The following ZC3H3 variants were observed in gnomAD, a reference collection of about 807,000 sequenced individuals.
The protein encoded by ZC3H3 is zinc finger CCCH domain-containing protein 3.
A neutral mutation model predicts 77.3 loss-of-function variants in ZC3H3; 36 were observed. The ratio of observed to expected loss-of-function variants is 0.47; its 90% CI spans 0.36 to 0.61. The LOEUF (loss-of-function observed/expected upper bound fraction) is 0.61, where lower values mean the gene tolerates loss of function less well. ZC3H3 is among the 20% of genes least tolerant of loss of function. ZC3H3 has a pLI of 0.00. For missense variants in ZC3H3, 1,331 were observed against 1,312.2 expected (o/e 1.01, Z -0.22); for synonymous variants, 626 against 555.2 (o/e 1.13, Z -1.79).
intron 8 of ZC3H3, among the ~76,000 whole-genome samples, chr8:143,466,111 C>T (rs1820401824): frequency 6.6e-6 from 1 of 152,240 alleles, no homozygotes; most frequent in South Asian, 2.1e-4. Context: ...GGCTCAGCCT[C>T]AGGGGCGCCC....
In ZC3H3 at chr8:143,468,504, C is replaced by T. The variant is rs1223854983; in HGVS notation, c.1983G>A (p.Gln661=). ...AVQRSLAIIR[Q]ARQRREKRKE... is the part of the protein sequence containing the mutation. The stretch of plus-strand genomic sequence containing the variant: ...TCCTCTTCTCCCTGCGCTGCCGCGC[C>T]TGCCGGATGATGGCCAGGCTGCGCT... Residue 661 remains glutamine (Q), a synonymous_variant, in exon 7 of 12, where the codon CAG becomes CAA. Coordinates refer to ENST00000262577, the MANE Select transcript of ZC3H3 (RefSeq NM_015117.3). 1 of 1,609,072 alleles carries T rather than the reference C, an allele frequency of 6.2e-7. No individual in the cohort carries two copies. Among genetic ancestry groups the T allele is most frequent in the African/African-American group, 1.3e-5 (1 of 74,836 alleles).
At chr8:143,445,820 A>G (rs192508985) in intron 9 of ZC3H3, among the ~76,000 whole-genome samples, 178 of 152,356 alleles carry the variant, frequency 1.2e-3, no homozygotes, top group African/African-American at 4.1e-3. Context: ...CGAGCTACAG[A>G]TTCAAGACAA....
intron 3 of ZC3H3, among the ~76,000 whole-genome samples, chr8:143,521,790 A>G (rs1248821582): frequency 1.3e-5 from 2 of 152,168 alleles, no homozygotes; most frequent in Non-Finnish European, 2.9e-5. Flanking sequence ...ACGTAAATTG[A>G]GCACACATGC....
At chr8:143,478,126 T>G (rs1820793544) in intron 4 of ZC3H3, among the ~76,000 whole-genome samples, 1 of 151,988 alleles carries the variant, frequency 6.6e-6, no homozygotes, top group East Asian at 1.9e-4. Flanking sequence ...AACCCAGCTC[T>G]CCACCTGGGT....
intron 5 of ZC3H3, among the ~76,000 whole-genome samples, chr8:143,470,425 CG>C (rs1168403304): frequency 6.6e-6 from 1 of 152,154 alleles, no homozygotes; most frequent in Admixed American, 6.6e-5. Flanking sequence ...GGGACCAACG[CG>C]GGGGTGCTCA....
intron 4 of ZC3H3, among the ~76,000 whole-genome samples, chr8:143,503,388 A>G (rs550635487): frequency 3.3e-5 from 5 of 152,136 alleles, no homozygotes; most frequent in Non-Finnish European, 7.4e-5. Flanking sequence ...CTGGCAGCAC[A>G]CAGAAGCCCC....
chr8:143,515,224 CTT>C (rs2130444917), intron 3 of ZC3H3, among the ~76,000 whole-genome samples: 1 of 152,384 alleles, frequency 6.6e-6, no homozygotes, highest in East Asian at 1.9e-4. Context: ...TTCCCAGCTG[CTT>C]TTCTCATCTA....
intron 3 of ZC3H3, among the ~76,000 whole-genome samples, chr8:143,535,110 T>A (rs540605852): frequency 2.6e-5 from 4 of 152,052 alleles, no homozygotes; most frequent in African/African-American, 9.6e-5. Flanking sequence ...AATGGAACGA[T>A]CTCGGCTCAC....
At position 143,443,395 on chromosome 8, in the gene ZC3H3, C is replaced by A. The variant is rs975022135; in HGVS notation, c.2308-2275G>T. ...GAAACACACTGGACATGAAATGAAT[C>A]TTAAATTTCAAAGGCCTGAGACCTT... On this transcript the variant is annotated intron_variant, in intron 9 of 11. Coordinates refer to ENST00000262577, the MANE Select transcript of ZC3H3 (RefSeq NM_015117.3). 5.3e-5 allele frequency among the ~76,000 whole-genome samples: 8 copies of A among 151,388 alleles called. No individual in the cohort carries two copies. In the East Asian group the frequency reaches 1.6e-3, roughly 29 times the overall value.
chr8:143,465,136 A>G (rs979611875), intron 9 of ZC3H3, among the ~76,000 whole-genome samples: 1 of 152,064 alleles, frequency 6.6e-6, no homozygotes, highest in Non-Finnish European at 1.5e-5. Flanking sequence ...AGCCGCAGCC[A>G]TCAGCTACAG....
chr8:143,437,888 A>ATG lies in ZC3H3; in HGVS notation c.*167_*168insCA. The ATG allele has an allele frequency of 1.1e-6, 1 of 917,152 alleles. No homozygotes were observed. Among genetic ancestry groups the ATG allele is most frequent in the Non-Finnish European group, 1.7e-6 (1 of 594,594 alleles). 56.8% of individuals were successfully genotyped at this position (917,152 alleles called of 1,614,324 possible). ...GGGAGGAAGACCAGGCCCTGCGCACACGCTGGTCATGGAAGGTTGAGGGCC... is the reference window on the plus strand; with the variant it reads ...GGGAGGAAGACCAGGCCCTGCGCACATGCGCTGGTCATGGAAGGTTGAGGGCC... On this transcript the variant is annotated 3_prime_UTR_variant, in exon 12 of 12. Transcript: ENST00000262577.
rs202017900 is a variant in ZC3H3 at position 143,440,138 on chromosome 8, G to A, written c.2718C>T (p.Leu906=). ...GGGAGATGAAGGAAGGCAGCTTGCA[G>A]AGCCTGTTGGAGCACGCTGCTGCTA... ...AALAAACSNR[L]CKLPSFISLQ... The change falls in exon 11 of 12, where the codon CTC becomes CTT. Residue 906 remains leucine, a synonymous_variant. Transcript: ENST00000262577. The A allele has an allele frequency of 7.4e-6, 12 of 1,611,756 alleles. No homozygotes were observed. In the African/African-American group the frequency reaches 1.1e-4, roughly 14 times the overall value.
intron 9 of ZC3H3, among the ~76,000 whole-genome samples, chr8:143,455,460 C>T (rs1820091884): frequency 6.6e-6 from 1 of 152,148 alleles, no homozygotes; most frequent in African/African-American, 2.4e-5. Context: ...TGTGCCACTG[C>T]ACTGCACTCC....
chr8:143,469,592 G>A (rs985628217), intron 5 of ZC3H3, among the ~76,000 whole-genome samples: 1 of 152,230 alleles, frequency 6.6e-6, no homozygotes, highest in African/African-American at 2.4e-5. Context: ...CTGGGAGGGC[G>A]GCCTGGGAGT....
In ZC3H3 at chr8:143,468,144, G is replaced by A. The variant is rs376000508; in HGVS notation, c.2175+65C>T. On this transcript the variant is annotated intron_variant, in intron 8 of 11. Coordinates refer to ENST00000262577, the MANE Select transcript of ZC3H3 (RefSeq NM_015117.3). ...GAAAGCTGTGGGCACCATCTGCCCG[G>A]AGGCCAGGTGGCTGAGGCCCCGGAG... 1.3e-5 allele frequency: 21 copies of A among 1,564,610 alleles called. No individual in the cohort carries two copies. In the African/African-American group the frequency reaches 2.0e-4, roughly 15 times the overall value.
chr8:143,479,115 C>G (rs913471289), intron 4 of ZC3H3, among the ~76,000 whole-genome samples: 34 of 152,224 alleles, frequency 2.2e-4, no homozygotes, highest in Non-Finnish European at 4.9e-4. Context: ...GAAGCTGCAT[C>G]CTGGGAAGAT....
chr8:143,475,703 GC>G, intron 4 of ZC3H3, 118 bp from the exon 5 acceptor site: 1 of 1,220,900 alleles, frequency 8.2e-7, no homozygotes, highest in Non-Finnish European at 1.1e-6. Flanking sequence ...AGCAGCACTT[GC>G]GGTGGGTACA....
intron 4 of ZC3H3, among the ~76,000 whole-genome samples, chr8:143,486,392 T>A (rs1821053996): frequency 6.6e-6 from 1 of 152,246 alleles, no homozygotes; most frequent in Non-Finnish European, 1.5e-5. Context: ...GAGGTCTCCC[T>A]TCCTGGCTTG....
At position 143,468,492 on chromosome 8, in the gene ZC3H3, G is replaced by C; in HGVS notation, c.1995C>G (p.Arg665=). The C allele has an allele frequency of 6.2e-7, 1 of 1,608,246 alleles. No homozygotes were observed. The highest frequency in any genetic ancestry group is 8.5e-7 in the Non-Finnish European group (1 of 1,178,104). Residue 665 remains arginine, a synonymous_variant, in exon 7 of 12, where the codon CGC becomes CGG. Coordinates refer to ENST00000262577, the MANE Select transcript of ZC3H3 (RefSeq NM_015117.3). ...TGCAGTACTCCTTCCTCTTCTCCCTGCGCTGCCGCGCCTGCCGGATGATGG... is the reference window on the plus strand; with the variant it reads ...TGCAGTACTCCTTCCTCTTCTCCCTCCGCTGCCGCGCCTGCCGGATGATGG... The part of the protein sequence containing the change: ...SLAIIRQARQ[R]REKRKEYCMY...
Sources: allele counts gnomAD v4.1 joint callset (sites outside exome capture counted in the v4.1 genomes callset), GRCh38; gene constraint gnomAD v4.1.1; transcripts MANE v1.5; gene names NCBI Gene and HGNC (gene_info 2026-07-23, HGNC 2026-07-21).